Variants in FGF17 observed in about 807,000 individuals in gnomAD.
FGF17 encodes the protein fibroblast growth factor 17.
A neutral mutation model predicts 23.5 loss-of-function variants in FGF17; 5 were observed. The ratio of observed to expected loss-of-function variants is 0.21; its 90% confidence interval spans 0.11 to 0.45. FGF17 has a LOEUF of 0.45. Ranked by LOEUF, FGF17 falls within the 20% of genes least tolerant of loss-of-function variation. The pLI is 0.99. For synonymous variants in FGF17, 136 were observed against 123.0 expected (o/e 1.11, Z -0.70); for missense variants, 221 against 306.9 (o/e 0.72, Z 2.09).
upstream of FGF17, chr8:22,042,809 C>T: frequency 1.0e-6 from 1 of 973,366 alleles, no homozygotes; most frequent in South Asian, 1.4e-5. Flanking sequence ...TCCTCGCCCC[C>T]CTGAAAACCT....
At chr8:22,041,895 C>T (rs911194836), upstream of FGF17, among the ~76,000 whole-genome samples, 1 of 152,228 alleles carries the variant, frequency 6.6e-6, no homozygotes, top group African/African-American at 2.4e-5. Context: ...TCCCAGGCAG[C>T]TGCTCAGGGA....
chr8:22,048,545 G>A lies in FGF17; in HGVS notation c.*296G>A, dbSNP rs752379296. On this transcript the variant is annotated 3_prime_UTR_variant, in exon 5 of 5. Transcript: ENST00000359441. This position sits in a 1 kb window ranked among gnomAD's most constrained non-coding sequence, Gnocchi z 6.9. The stretch of plus-strand genomic sequence containing the variant: ...GCCGGGCTCCTGAAGCCCGCTGAAA[G>A]GTCAGCGACTGAAGGCCTTGCAGAC... 4.4e-6 allele frequency: 2 copies of A among 452,736 alleles called. No homozygotes were observed. Among genetic ancestry groups the A allele is most frequent in the Non-Finnish European group, 7.9e-6 (2 of 254,074 alleles). The allele number at this position is 452,736 out of a possible 1,614,324, so 28.0% of individuals were successfully genotyped here. A position where few individuals can be genotyped will look rare whatever the true frequency, so the allele number is the denominator to read the frequency against.
At chr8:22,044,634 C>T (rs1190550351) in intron 2 of FGF17, 4 of 972,828 alleles carry the variant, frequency 4.1e-6, no homozygotes, top group East Asian at 1.1e-4. Flanking sequence ...GGGAGGCCAG[C>T]GTGGGGCAGG....
At chr8:22,042,070 C>A (rs11990009), upstream of FGF17, among the ~76,000 whole-genome samples, 1 of 152,224 alleles carries the variant, frequency 6.6e-6, no homozygotes, top group African/African-American at 2.4e-5. Context: ...CCCCAACACC[C>A]TGAGGCATTA....
chr8:22,041,101 C>T (rs945708707), upstream of FGF17, among the ~76,000 whole-genome samples: 9 of 152,166 alleles, frequency 5.9e-5, no homozygotes, highest in African/African-American at 2.2e-4. Flanking sequence ...AATGATGAAT[C>T]CCTAAGACCC....
At chr8:22,045,559 G>A (rs1800846875) in intron 2 of FGF17, 1 of 997,188 alleles carries the variant, frequency 1.0e-6, no homozygotes, top group Non-Finnish European at 1.2e-6. Context: ...CCCTGCAGGA[G>A]CTTTCAGAGT....
chr8:22,044,844 C>A, intron 2 of FGF17: 13 of 985,458 alleles, frequency 1.3e-5, no homozygotes, highest in Non-Finnish European at 1.6e-5. Context: ...ATATTTCCCA[C>A]CCCCTCCCTA....
intron 2 of FGF17, chr8:22,045,817 G>A (rs1203709889): frequency 9.0e-6 from 12 of 1,326,672 alleles, no homozygotes; most frequent in Non-Finnish European, 1.2e-5. Context: ...GGACGGGATA[G>A]AACCCTGAGG....
chr8:22,044,498 G>C (rs974801901), intron 2 of FGF17: 1 of 163,522 alleles, frequency 6.1e-6, no homozygotes, highest in Non-Finnish European at 1.3e-5. Context: ...AGGGGGCTTC[G>C]GGGGGGCGCT....
rs3176278 is a variant in FGF17 at position 22,043,721 on chromosome 8, C to T, written c.72+540C>T. On this transcript the variant is annotated intron_variant, in intron 2 of 4. Transcript: ENST00000359441. ...TTTGTTTGGGACGGGATGCAGGGTT[C>T]GCTTCTCCACACTCCCCCCACCCCA... Among the ~76,000 whole-genome samples, 119 of 151,992 alleles carry T rather than the reference C, an allele frequency of 7.8e-4. No individual in the cohort carries two copies. In the Middle Eastern group the frequency reaches 0.014, roughly 17 times the overall value.
chr8:22,043,709 G>GGA (rs1208411318), intron 2 of FGF17, among the ~76,000 whole-genome samples: 11 of 151,954 alleles, frequency 7.2e-5, no homozygotes, highest in Non-Finnish European at 1.5e-4. Flanking sequence ...GTTTGGGACG[G>GGA]GATGCAGGGT....
chr8:22,047,446 G>A (rs1383608869), intron 4 of FGF17, among the ~76,000 whole-genome samples: 2 of 152,234 alleles, frequency 1.3e-5, no homozygotes, highest in East Asian at 3.9e-4. Flanking sequence ...CCATTCGGCT[G>A]TCGCTGACCA....
chr8:22,042,093 C>T (rs1178060599), upstream of FGF17, among the ~76,000 whole-genome samples: 2 of 152,234 alleles, frequency 1.3e-5, no homozygotes, highest in African/African-American at 2.4e-5. Context: ...GTCCTCATTT[C>T]TCAGATGGAA....
At position 22,042,891 on chromosome 8, in the gene FGF17, G is replaced by A. The variant is rs147561706; in HGVS notation, c.-38G>A. 0.011 allele frequency: 18,261 copies of A among 1,611,858 alleles called. 124 individuals are homozygous for A. Among genetic ancestry groups the A allele is most frequent in the Middle Eastern group, 0.033 (198 of 6,060 alleles). ...CTTCCCACATCTGCTCCTGAGCTTGGGGGCAGGGGGGCAACCGCCTGAGGA... is the reference window on the plus strand; with the variant it reads ...CTTCCCACATCTGCTCCTGAGCTTGAGGGCAGGGGGGCAACCGCCTGAGGA... On this transcript the variant is annotated 5_prime_UTR_variant, in exon 1 of 5. Transcript: ENST00000359441.
intron 3 of FGF17, 48 bp downstream of exon 3, chr8:22,046,339 C>T (rs1800866900): frequency 1.3e-6 from 2 of 1,585,280 alleles, no homozygotes; most frequent in Middle Eastern, 1.7e-4. Context: ...CACTCTGCCT[C>T]ACTTCCACCC....
At position 22,048,257 on chromosome 8, in the gene FGF17, G is replaced by A. The variant is rs962501343; in HGVS notation, c.*8G>A. Reference sequence around the variant, plus strand: ...CCCCAGCCCCTCACGTAGTCTGGGAGGCAGGGGGCAGCAGCCCCTGGGCCG... The same window carrying A: ...CCCCAGCCCCTCACGTAGTCTGGGAAGCAGGGGGCAGCAGCCCCTGGGCCG... On this transcript the variant is annotated 3_prime_UTR_variant, in exon 5 of 5. Coordinates refer to ENST00000359441, the MANE Select transcript of FGF17 (RefSeq NM_003867.4). This position sits in a 1 kb window ranked among gnomAD's most constrained non-coding sequence, Gnocchi z 6.9. 3 of 1,587,496 alleles carry A rather than the reference G, an allele frequency of 1.9e-6. No individual in the cohort carries two copies. Among genetic ancestry groups the A allele is most frequent in the African/African-American group, 2.7e-5 (2 of 74,370 alleles).
At chr8:22,047,198 G>C (rs1162092307) in intron 4 of FGF17, among the ~76,000 whole-genome samples, 1 of 152,152 alleles carries the variant, frequency 6.6e-6, no homozygotes, top group African/African-American at 2.4e-5. Flanking sequence ...GCAGGCATCA[G>C]TAAGAGCTTA....
chr8:22,045,447 G>C, intron 2 of FGF17: 1 of 990,302 alleles, frequency 1.0e-6, no homozygotes, highest in Non-Finnish European at 1.2e-6. Flanking sequence ...AGAGGAGGGA[G>C]GAACACTGGA....
rs200033109 is a variant in FGF17, at chr8:22,043,010, C to G, written c.35+47C>G. 1.5e-4 allele frequency: 235 copies of G among 1,607,714 alleles called. 2 individuals are homozygous for G. In the Admixed American group the frequency reaches 2.0e-3, roughly 14 times the overall value. ...CTGGAGTTTCGTTGCCATTTCCAGC[C>G]TCAGGGCAGCCCTCCTCTTCCCGGG... On this transcript the variant is annotated intron_variant, in intron 1 of 4. Coordinates refer to ENST00000359441, the MANE Select transcript of FGF17 (RefSeq NM_003867.4).
Sources: gnomAD v4.1 joint callset for allele counts (sites outside exome capture counted in the v4.1 genomes callset) on GRCh38, gnomAD v4.1.1 for gene constraint, Gnocchi (gnomAD v3.1) non-coding constraint, MANE v1.5 for transcripts, NCBI Gene and HGNC (gene_info 2026-07-23, HGNC 2026-07-21) for gene names.